The following RALGAPA1 variants were observed in gnomAD, a reference collection of about 807,000 sequenced individuals.
The protein encoded by RALGAPA1 is Ral GTPase activating protein catalytic subunit alpha 1, also known as ral GTPase-activating protein subunit alpha-1.
RALGAPA1 carries 52 observed loss-of-function variants against 269.6 expected under a neutral mutation model. That is an observed-to-expected ratio of 0.19 (90% CI 0.15 to 0.24). The LOEUF is 0.24. Among genes scored for constraint, RALGAPA1 ranks in the 10% least tolerant of loss-of-function variants. RALGAPA1 has a pLI of 1.00. For missense variants in RALGAPA1, 1,917 were observed against 3,013.9 expected (o/e 0.64, Z 8.52); for synonymous variants, 817 against 1,008.3 (o/e 0.81, Z 3.60).
chr14:35,705,978 C>T (rs913851607), intron 16 of RALGAPA1, among the ~76,000 whole-genome samples: 1 of 152,094 alleles, frequency 6.6e-6, no homozygotes, highest in African/African-American at 2.4e-5. Flanking sequence ...CATCTTTTGC[C>T]CATTTTTCAG....
intron 37 of RALGAPA1, among the ~76,000 whole-genome samples, chr14:35,589,866 AT>A (rs947811998): frequency 6.6e-6 from 1 of 151,678 alleles, no homozygotes; most frequent in Admixed American, 6.6e-5. Context: ...TGCCTGGCTA[AT>A]TTTTTTTGTA....
At chr14:35,544,523 T>C (rs966158202) in intron 41 of RALGAPA1, among the ~76,000 whole-genome samples, 5 of 152,242 alleles carry the variant, frequency 3.3e-5, no homozygotes, top group Non-Finnish European at 7.3e-5. Context: ...ATTATTATTT[T>C]ATTATTTTCA....
chr14:35,798,185 T>G (rs968309162), intron 1 of RALGAPA1, among the ~76,000 whole-genome samples: 5 of 142,954 alleles, frequency 3.5e-5, no homozygotes, highest in Non-Finnish European at 6.0e-5. Flanking sequence ...TTTTTTTTTT[T>G]CCCTAAAACC....
intron 37 of RALGAPA1, among the ~76,000 whole-genome samples, chr14:35,583,648 G>T (rs911100214): frequency 6.6e-6 from 1 of 151,996 alleles, no homozygotes; most frequent in East Asian, 1.9e-4. Flanking sequence ...ACTACACCTA[G>T]GTGCATCACA....
chr14:35,750,467 T>C lies in RALGAPA1; in HGVS notation c.1011+15A>G, dbSNP rs2072575148. On this transcript the variant is annotated intron_variant, in intron 9 of 41. Coordinates refer to ENST00000680220, the MANE Select transcript of RALGAPA1 (RefSeq NM_001346249.2). ...CATTTCTAACTTTAACAGGCCTGCCTCATTTGTGCATTACCTGAATATTCT... is the reference window on the plus strand; with the variant it reads ...CATTTCTAACTTTAACAGGCCTGCCCCATTTGTGCATTACCTGAATATTCT... 6.2e-7 allele frequency: 1 copy of C among 1,607,138 alleles called. No homozygotes were observed. Among genetic ancestry groups the C allele is most frequent in the Non-Finnish European group, 8.5e-7 (1 of 1,174,566 alleles).
At chr14:35,751,386 G>C (rs1185067286) in intron 8 of RALGAPA1, among the ~76,000 whole-genome samples, 4 of 152,166 alleles carry the variant, frequency 2.6e-5, no homozygotes, top group Non-Finnish European at 5.9e-5. Flanking sequence ...TATAGTCTAA[G>C]GATCATGCCA....
At chr14:35,685,685 C>G (rs2065863887) in intron 19 of RALGAPA1, among the ~76,000 whole-genome samples, 1 of 152,142 alleles carries the variant, frequency 6.6e-6, no homozygotes, top group African/African-American at 2.4e-5. Flanking sequence ...GGGCAGATCA[C>G]CTGAGGTCAG....
chr14:35,596,453 T>TA (rs1035265547), intron 36 of RALGAPA1, among the ~76,000 whole-genome samples: 6 of 150,974 alleles, frequency 4.0e-5, no homozygotes, highest in East Asian at 3.9e-4. Flanking sequence ...TACAGGAGAA[T>TA]AAAAAAAAAT....
At chr14:35,776,123 C>T (rs1197063235) in intron 1 of RALGAPA1, among the ~76,000 whole-genome samples, 1 of 152,184 alleles carries the variant, frequency 6.6e-6, no homozygotes. Context: ...GTGGCTCACG[C>T]CTGTAATCCC....
In RALGAPA1 at chr14:35,724,955, C is replaced by T. The variant is rs1180356800; in HGVS notation, c.1866+69G>A. On this transcript the variant is annotated intron_variant, in intron 14 of 41. Transcript: ENST00000680220. ...GGTTCAATGAATTTTAAAAAACAAACAAACAACAAAACAAAACAAAACAAC... is the reference window on the plus strand; with the variant it reads ...GGTTCAATGAATTTTAAAAAACAAATAAACAACAAAACAAAACAAAACAAC... 2.4e-6 allele frequency: 3 copies of T among 1,246,162 alleles called. No individual in the cohort carries two copies. The African/African-American group carries it at 4.7e-5, about 19-fold the overall frequency. The allele number at this position is 1,246,162 out of a possible 1,614,324, so 77.2% of individuals were successfully genotyped here.
intron 29 of RALGAPA1, 39 bp downstream of exon 29, chr14:35,655,768 C>G (rs1034210480): frequency 5.6e-6 from 9 of 1,593,096 alleles, no homozygotes; most frequent in Non-Finnish European, 7.7e-6. Context: ...TATGCATTCT[C>G]TCCTATCTTA....
intron 16 of RALGAPA1, among the ~76,000 whole-genome samples, chr14:35,708,233 CA>C (rs1348568852): frequency 6.6e-6 from 1 of 151,942 alleles, no homozygotes; most frequent in Non-Finnish European, 1.5e-5. Flanking sequence ...CCCAGGCAAC[CA>C]AAGCAAAAAT....
intron 37 of RALGAPA1, among the ~76,000 whole-genome samples, chr14:35,589,384 T>C (rs1397159349): frequency 6.6e-6 from 1 of 152,116 alleles, no homozygotes; most frequent in African/African-American, 2.4e-5. Context: ...TACTTGAAAA[T>C]TGCTAAGAGA....
chr14:35,642,586 C>T (rs2062098444), intron 31 of RALGAPA1, among the ~76,000 whole-genome samples: 1 of 152,148 alleles, frequency 6.6e-6, no homozygotes, highest in Non-Finnish European at 1.5e-5. Context: ...CTACTAAATA[C>T]AATGAGATAT....
At chr14:35,645,654 C>T (rs1220572504) in intron 31 of RALGAPA1, among the ~76,000 whole-genome samples, 2 of 149,170 alleles carry the variant, frequency 1.3e-5, no homozygotes, top group East Asian at 4.0e-4. Flanking sequence ...GGCGTGAACC[C>T]GGGAGGCGGA....
At chr14:35,776,741 T>C (rs1424461842) in intron 1 of RALGAPA1, among the ~76,000 whole-genome samples, 3 of 152,078 alleles carry the variant, frequency 2.0e-5, no homozygotes, top group Non-Finnish European at 1.5e-5. Flanking sequence ...CATAAAGTGG[T>C]GGAGTTGAAT....
chr14:35,660,395 C>T (rs191275072), intron 27 of RALGAPA1, among the ~76,000 whole-genome samples: 12 of 151,952 alleles, frequency 7.9e-5, no homozygotes, highest in East Asian at 1.9e-4. Context: ...GAAAATAATC[C>T]GATTTAACAA....
At position 35,541,040 on chromosome 14, in the gene RALGAPA1, A is replaced by ATTTTTTTT. The variant is rs559979336; in HGVS notation, c.*24-1358_*24-1351dup. On this transcript the variant is annotated intron_variant, in intron 41 of 41. Transcript: ENST00000680220. ...GAATATGTCTTTGCAGAACACTTCA[A>ATTTTTTTT]TTTTTTTTTTTTTTTTTTTTTTTTG... 2.4e-3 allele frequency among the ~76,000 whole-genome samples: 212 copies of ATTTTTTTT among 89,146 alleles called. 35 individuals are homozygous for ATTTTTTTT. Among genetic ancestry groups the ATTTTTTTT allele is most frequent in the African/African-American group, 0.01 (181 of 17,784 alleles). 58.5% of individuals were successfully genotyped at this position (89,146 alleles called of 152,430 possible). A position where few individuals can be genotyped will look rare whatever the true frequency, so the allele number is the denominator to read the frequency against.
At chr14:35,660,291 A>C (rs1415544068) in intron 27 of RALGAPA1, among the ~76,000 whole-genome samples, 2 of 152,112 alleles carry the variant, frequency 1.3e-5, no homozygotes. Flanking sequence ...AACTGTTAGA[A>C]CTAATAAAGT....
Sources: allele counts gnomAD v4.1 joint callset (sites outside exome capture counted in the v4.1 genomes callset), GRCh38; gene constraint gnomAD v4.1.1; transcripts MANE v1.5; gene names NCBI Gene and HGNC (gene_info 2026-07-23, HGNC 2026-07-21).